The following ZBTB40 variants were observed in gnomAD, a reference collection of about 807,000 sequenced individuals.
The protein encoded by ZBTB40 is zinc finger and BTB domain-containing protein 40.
ZBTB40 carries 60 observed loss-of-function variants against 117.5 expected under a neutral mutation model. The observed-to-expected ratio is 0.51, with a 90% CI of 0.41 to 0.63. ZBTB40 has a LOEUF of 0.63. ZBTB40 is among the 30% of genes least tolerant of loss of function. The pLI, the probability that ZBTB40 is intolerant of heterozygous loss-of-function variation, is 0.00. For missense variants in ZBTB40, 1,287 were observed against 1,498.5 expected (o/e 0.86, Z 2.33); for synonymous variants, 525 against 577.1 (o/e 0.91, Z 1.29).
At chr1:22,500,281 C>G (rs887651339) in intron 3 of ZBTB40, among the ~76,000 whole-genome samples, 4 of 152,112 alleles carry the variant, frequency 2.6e-5, no homozygotes, top group Non-Finnish European at 5.9e-5. Context: ...CTAGAAGAGT[C>G]AAGATGATGA....
intron 5 of ZBTB40, among the ~76,000 whole-genome samples, chr1:22,503,271 T>G (rs1025419043): frequency 2.0e-5 from 3 of 151,424 alleles, no homozygotes; most frequent in African/African-American, 7.3e-5. Context: ...TATTGCCAAA[T>G]TGCCCTTCAG....
At chr1:22,489,391 G>C (rs1175287291) in intron 1 of ZBTB40, among the ~76,000 whole-genome samples, 2 of 152,292 alleles carry the variant, frequency 1.3e-5, no homozygotes, top group East Asian at 3.9e-4. Flanking sequence ...TTCAGAGGAA[G>C]AGAATGATGA....
At chr1:22,430,657 A>T (rs1356218272) in intron 1 of ZBTB40, among the ~76,000 whole-genome samples, 1 of 148,362 alleles carries the variant, frequency 6.7e-6, no homozygotes, top group Non-Finnish European at 1.5e-5. Flanking sequence ...TTTTTTGTAG[A>T]GATAGGGTCT....
chr1:22,514,867 T>C (rs1162537770), intron 12 of ZBTB40, among the ~76,000 whole-genome samples: 1 of 152,230 alleles, frequency 6.6e-6, no homozygotes, highest in Non-Finnish European at 1.5e-5. Context: ...TCAATCGATA[T>C]TTGCTGAGTG....
intron 1 of ZBTB40, among the ~76,000 whole-genome samples, chr1:22,442,138 A>G (rs960695362): frequency 1.3e-5 from 2 of 152,174 alleles, no homozygotes; most frequent in African/African-American, 4.8e-5. Context: ...AAGATACTTT[A>G]TATGATCTTT....
At chr1:22,450,030 G>A (rs1271613055), upstream of ZBTB40, among the ~76,000 whole-genome samples, 5 of 150,892 alleles carry the variant, frequency 3.3e-5, no homozygotes, top group African/African-American at 7.3e-5. Flanking sequence ...TCCAACCTCC[G>A]CCTCCCAGGT....
chr1:22,486,603 C>A (rs1050524486), intron 1 of ZBTB40, among the ~76,000 whole-genome samples: 1 of 152,160 alleles, frequency 6.6e-6, no homozygotes, highest in Non-Finnish European at 1.5e-5. Flanking sequence ...ACTGAGTCCC[C>A]CCCAGAGTTT....
chr1:22,516,450 G>A (rs1639375167), intron 12 of ZBTB40, among the ~76,000 whole-genome samples: 1 of 130,360 alleles, frequency 7.7e-6, no homozygotes, highest in African/African-American at 3.1e-5. Flanking sequence ...TACAGATGGT[G>A]TATGAGGCAC....
intron 1 of ZBTB40, among the ~76,000 whole-genome samples, chr1:22,456,880 A>G (rs1641016653): frequency 6.6e-6 from 1 of 152,164 alleles, no homozygotes; most frequent in African/African-American, 2.4e-5. Flanking sequence ...CTGATAGAGG[A>G]AAGGAGGAGG....
chr1:22,505,952 C>G, intron 5 of ZBTB40, 97 bp from the exon 6 acceptor site: 1 of 1,240,536 alleles, frequency 8.1e-7, no homozygotes, highest in Non-Finnish European at 1.2e-6. Flanking sequence ...GGAGATCAGG[C>G]ATCTTGTGAT....
At chr1:22,522,136 G>A (rs766832741) in intron 15 of ZBTB40, among the ~76,000 whole-genome samples, 33 of 152,174 alleles carry the variant, frequency 2.2e-4, no homozygotes, top group African/African-American at 6.8e-4. Flanking sequence ...TAAGCACCTC[G>A]TGTATATTTT....
intron 1 of ZBTB40, among the ~76,000 whole-genome samples, chr1:22,461,598 A>G (rs1641135769): frequency 6.6e-6 from 1 of 152,138 alleles, no homozygotes; most frequent in South Asian, 2.1e-4. Context: ...CTAGGAGGAG[A>G]CGAGAAAGGA....
intron 1 of ZBTB40, among the ~76,000 whole-genome samples, chr1:22,475,165 T>C (rs960008055): frequency 5.3e-5 from 8 of 152,198 alleles, no homozygotes; most frequent in Admixed American, 3.9e-4. Context: ...TCAAACTGTT[T>C]ATTGGGAGGC....
At chr1:22,452,792 A>T (rs1251936403) in intron 1 of ZBTB40, 1 of 152,252 alleles carries the variant, frequency 6.6e-6, no homozygotes, top group African/African-American at 2.4e-5. Flanking sequence ...ACTTTAGTTG[A>T]CAGAACACTC....
intron 1 of ZBTB40, among the ~76,000 whole-genome samples, chr1:22,468,170 A>T (rs934183299): frequency 6.6e-6 from 1 of 151,866 alleles, no homozygotes; most frequent in Non-Finnish European, 1.5e-5. Context: ...ATTCAGGTGC[A>T]TTCTCTCATT....
chr1:22,528,634 C>T lies in ZBTB40; in HGVS notation c.*2238C>T, dbSNP rs1639747205. ...GCAACCTCTGCGGGCTCACGCAATCCTCCTGCCACAGCTTCCCAAGTAGCT... is the reference window on the plus strand; with the variant it reads ...GCAACCTCTGCGGGCTCACGCAATCTTCCTGCCACAGCTTCCCAAGTAGCT... On this transcript the variant is annotated 3_prime_UTR_variant, in exon 18 of 18. Coordinates refer to ENST00000375647, the MANE Select transcript of ZBTB40 (RefSeq NM_014870.4). The T allele has an allele frequency of 6.6e-6, 1 of 152,186 alleles. No individual in the cohort carries two copies. The highest frequency in any genetic ancestry group is 1.5e-5 in the Non-Finnish European group (1 of 68,046). 9.4% of individuals were successfully genotyped at this position (152,186 alleles called of 1,614,324 possible).
intron 1 of ZBTB40, among the ~76,000 whole-genome samples, chr1:22,434,821 A>C (rs189486869): frequency 6.6e-6 from 1 of 152,234 alleles, no homozygotes; most frequent in Admixed American, 6.5e-5. Flanking sequence ...ATATAGTTTA[A>C]TATCTGGCAG....
At chr1:22,432,688 C>G (rs1314729486) in intron 1 of ZBTB40, among the ~76,000 whole-genome samples, 2 of 152,210 alleles carry the variant, frequency 1.3e-5, no homozygotes, top group Non-Finnish European at 2.9e-5. Context: ...TGTCTCCTGA[C>G]TGATACATAC....
chr1:22,526,562 T>C lies in ZBTB40; in HGVS notation c.*166T>C. ...ACAGATGGAAGCTTCGTTGTTCTCA[T>C]AGAACCAACAGCATCTGAGCCCTCA... On this transcript the variant is annotated 3_prime_UTR_variant, in exon 18 of 18. Transcript: ENST00000375647. The C allele has an allele frequency of 2.3e-6, 2 of 872,874 alleles. No individual in the cohort carries two copies. Among genetic ancestry groups the C allele is most frequent in the South Asian group, 3.0e-5 (2 of 66,426 alleles). The allele number at this position is 872,874 out of a possible 1,614,324, so 54.1% of individuals were successfully genotyped here. A position where few individuals can be genotyped will look rare whatever the true frequency, so the allele number is the denominator to read the frequency against.
Sources: allele counts gnomAD v4.1 joint callset (sites outside exome capture counted in the v4.1 genomes callset), GRCh38; gene constraint gnomAD v4.1.1; transcripts MANE v1.5; gene names NCBI Gene and HGNC (gene_info 2026-07-23, HGNC 2026-07-21).